DSN1: variants seen among roughly 807,000 people sequenced by gnomAD.
DSN1 encodes DSN1 component of MIS12 kinetochore complex, also known as kinetochore-associated protein DSN1 homolog.
A neutral mutation model predicts 45.7 loss-of-function variants in DSN1; 31 were observed. That is an observed-to-expected ratio of 0.68 (90% CI 0.51 to 0.92). DSN1 has a LOEUF of 0.92. DSN1 is among the 40% of genes least tolerant of loss of function. The pLI, the probability that DSN1 is intolerant of heterozygous loss-of-function variation, is 0.00. For synonymous variants in DSN1, 134 were observed against 142.3 expected (o/e 0.94, Z 0.41); for missense variants, 394 against 414.2 (o/e 0.95, Z 0.42).
intron 6 of DSN1, among the ~76,000 whole-genome samples, chr20:36,762,038 G>A (rs544403052): frequency 1.8e-4 from 26 of 148,088 alleles, no homozygotes; most frequent in African/African-American, 5.2e-4. Flanking sequence ...AAAAAGAGAA[G>A]ATGCTGAATA....
intron 5 of DSN1, among the ~76,000 whole-genome samples, chr20:36,766,384 G>A (rs1987339400): frequency 6.6e-6 from 1 of 151,166 alleles, no homozygotes; most frequent in African/African-American, 2.4e-5. Context: ...AAAAAAGTAG[G>A]GGGCTGGGCA....
chr20:36,773,091 G>A (rs1232965254), intron 1 of DSN1, among the ~76,000 whole-genome samples: 1 of 152,210 alleles, frequency 6.6e-6, no homozygotes, highest in Non-Finnish European at 1.5e-5. Context: ...CGGTCCTTAT[G>A]ACAATATCAC....
rs780400708 is a variant in DSN1, at chr20:36,755,854, T to A, written c.726-25A>T. The stretch of plus-strand genomic sequence containing the variant: ...TCTAAAAACAAAACACAAGAGCTTT[T>A]GAGAGATTCTGTAATTATTTTCTGG... On this transcript the variant is annotated intron_variant, in intron 8 of 10. Transcript: ENST00000373750. 4 of 1,596,014 alleles carry A rather than the reference T, an allele frequency of 2.5e-6. No individual in the cohort carries two copies. The East Asian group carries it at 8.9e-5, about 36-fold the overall frequency.
chr20:36,766,467 G>A (rs577956350), intron 5 of DSN1, among the ~76,000 whole-genome samples: 1 of 151,844 alleles, frequency 6.6e-6, no homozygotes, highest in African/African-American at 2.4e-5. Flanking sequence ...AGGAGTTCAA[G>A]ATCAGCCTGG....
chr20:36,762,200 G>A (rs1478354031), intron 6 of DSN1, among the ~76,000 whole-genome samples: 5 of 145,960 alleles, frequency 3.4e-5, no homozygotes, highest in African/African-American at 7.6e-5. Context: ...TCCGCATACC[G>A]GGTTCATGCC....
chr20:36,772,645 G>A (rs1987713641), intron 1 of DSN1, among the ~76,000 whole-genome samples: 1 of 152,322 alleles, frequency 6.6e-6, no homozygotes, highest in East Asian at 1.9e-4. Context: ...CAACACCTCA[G>A]GTAAACTAGT....
chr20:36,757,600 A>T (rs577545306), intron 8 of DSN1, among the ~76,000 whole-genome samples: 1 of 151,968 alleles, frequency 6.6e-6, no homozygotes, highest in African/African-American at 2.4e-5. Flanking sequence ...ACAAAACAAC[A>T]CCTAGCACTT....
chr20:36,752,999 C>T lies in DSN1; in HGVS notation c.962-102G>A, dbSNP rs182075119. 4.7e-5 allele frequency: 43 copies of T among 919,012 alleles called. No individual in the cohort carries two copies. The African/African-American group carries it at 6.5e-4, about 14-fold the overall frequency. 56.9% of individuals were successfully genotyped at this position (919,012 alleles called of 1,614,324 possible). A position where few individuals can be genotyped will look rare whatever the true frequency, so the allele number is the denominator to read the frequency against. ...TTGTGACACACATGGAAGGGCATTA[C>T]AAAGACAAATAAGAGAGTCTCTGGC... is the stretch of plus-strand genomic sequence containing the variant. On this transcript the variant is annotated intron_variant, in intron 10 of 10. Coordinates refer to ENST00000373750, the MANE Select transcript of DSN1 (RefSeq NM_001145315.2).
At chr20:36,758,039 C>A in intron 8 of DSN1, 48 bp downstream of exon 8, 1 of 1,540,532 alleles carries the variant, frequency 6.5e-7, no homozygotes, top group Non-Finnish European at 8.9e-7. Context: ...AAACACCAAT[C>A]AAACTCCATA....
Position 36,770,928 on chromosome 20 carries a change from A to G in DSN1, c.300T>C (p.Ser100=). 1.9e-6 allele frequency: 3 copies of G among 1,614,062 alleles called. No homozygotes were observed. Among genetic ancestry groups the G allele is most frequent in the Non-Finnish European group, 2.5e-6 (3 of 1,180,026 alleles). Residue 100 remains serine, a synonymous_variant, in exon 3 of 11, where the codon AGT becomes AGC. Transcript: ENST00000373750. ...QDRRQSWRRA[S]MKETNRRKSL... Reference sequence around the variant, plus strand: ...ACTTCCGCCGGTTCGTTTCTTTCATACTTGCTCGCCGCCAGGATTGCCTCC... The same window carrying G: ...ACTTCCGCCGGTTCGTTTCTTTCATGCTTGCTCGCCGCCAGGATTGCCTCC...
rs192454453 is a variant in DSN1, at chr20:36,765,730, G to A, written c.502+1039C>T. On this transcript the variant is annotated intron_variant, in intron 5 of 10. Coordinates refer to ENST00000373750, the MANE Select transcript of DSN1 (RefSeq NM_001145315.2). ...GGAGAATGGCATGAACCCGGGAGGCGGAGCTTGCAGTGAGCCGAGATCCCG... is the reference window on the plus strand; with the variant it reads ...GGAGAATGGCATGAACCCGGGAGGCAGAGCTTGCAGTGAGCCGAGATCCCG... Among the ~76,000 whole-genome samples the A allele has an allele frequency of 2.7e-3, 400 of 147,258 alleles. 1 individual carries two copies. The highest frequency in any genetic ancestry group is 9.6e-3 in the African/African-American group (381 of 39,866).
intron 6 of DSN1, among the ~76,000 whole-genome samples, chr20:36,760,086 A>T (rs1986891813): frequency 6.6e-6 from 1 of 151,764 alleles, no homozygotes; most frequent in Non-Finnish European, 1.5e-5. Context: ...TCTACTAAAA[A>T]TACAAAAATT....
At chr20:36,755,469 T>A (rs1249695702) in intron 9 of DSN1, among the ~76,000 whole-genome samples, 1 of 152,104 alleles carries the variant, frequency 6.6e-6, no homozygotes, top group Non-Finnish European at 1.5e-5. Context: ...AACCTCCCTA[T>A]ACTGTCTGTC....
chr20:36,771,277 T>G, intron 2 of DSN1, 84 bp from the exon 3 acceptor site: 16 of 1,488,826 alleles, frequency 1.1e-5, no homozygotes, highest in Non-Finnish European at 1.5e-5. Flanking sequence ...AGTAAATGTA[T>G]GCCCCTAGAT....
At chr20:36,759,533 G>A (rs1986859223) in intron 6 of DSN1, among the ~76,000 whole-genome samples, 1 of 151,916 alleles carries the variant, frequency 6.6e-6, no homozygotes, top group African/African-American at 2.4e-5. Context: ...ACCCAGGCTG[G>A]AGTGCAGTGG....
chr20:36,762,676 CA>C, intron 5 of DSN1, 128 bp from the exon 6 acceptor site: 1 of 673,632 alleles, frequency 1.5e-6, no homozygotes, highest in South Asian at 2.3e-5. Context: ...CAAGCCCACC[CA>C]AAAGTGTGGA....
rs550323073 is a variant in DSN1 at position 36,760,100 on chromosome 20, C to A, written c.591-1483G>T. ...CTCTACTAAAAATACAAAAATTAGC[C>A]AGGCATGGTGGCACACACCTGTAAT... On this transcript the variant is annotated intron_variant, in intron 6 of 10. Transcript: ENST00000373750. Among the ~76,000 whole-genome samples the A allele has an allele frequency of 2.0e-5, 3 of 151,780 alleles. No individual in the cohort carries two copies. In the East Asian group the frequency reaches 5.9e-4, roughly 30 times the overall value.
chr20:36,755,659 T>A (rs368110726), intron 9 of DSN1, 23 bp downstream of exon 9: 90 of 1,603,618 alleles, frequency 5.6e-5, no homozygotes, highest in Non-Finnish European at 7.7e-5. Flanking sequence ...ATAACTCAAC[T>A]AAATAAACAT....
chr20:36,763,902 A>AAG (rs1987166091), intron 5 of DSN1, among the ~76,000 whole-genome samples: 4 of 149,288 alleles, frequency 2.7e-5, no homozygotes, highest in Admixed American at 1.3e-4. Flanking sequence ...AAAAAAAAAA[A>AAG]AAAAAAAAAG....
Sources: gnomAD v4.1 joint callset for allele counts (sites outside exome capture counted in the v4.1 genomes callset) on GRCh38, gnomAD v4.1.1 for gene constraint, MANE v1.5 for transcripts, NCBI Gene and HGNC (gene_info 2026-07-23, HGNC 2026-07-21) for gene names.